Variants in MXI1 observed in about 807,000 individuals in gnomAD.
MXI1 encodes the protein max-interacting protein 1.
Under a neutral mutation model 36.9 loss-of-function variants are expected in MXI1, and 18 were observed. That is an observed-to-expected ratio of 0.49 (90% confidence interval 0.34 to 0.72). The LOEUF is 0.72. Ranked by LOEUF, MXI1 falls within the 30% of genes least tolerant of loss-of-function variation. MXI1 has a pLI of 0.01. For synonymous variants in MXI1, 160 were observed against 146.7 expected (o/e 1.09, Z -0.65); for missense variants, 304 against 379.1 (o/e 0.80, Z 1.64).
intron 3 of MXI1, among the ~76,000 whole-genome samples, chr10:110,251,687 C>G (rs1396970566): frequency 6.6e-6 from 1 of 152,058 alleles, no homozygotes; most frequent in Non-Finnish European, 1.5e-5. Context: ...TAGTCAAAAC[C>G]TACTACTCTG....
intron 3 of MXI1, among the ~76,000 whole-genome samples, chr10:110,252,195 T>C (rs1339969365): frequency 1.3e-5 from 2 of 151,990 alleles, no homozygotes; most frequent in East Asian, 1.9e-4. Flanking sequence ...TGTTAATTGG[T>C]ACTACTTATT....
intron 3 of MXI1, among the ~76,000 whole-genome samples, chr10:110,276,613 A>T (rs974645004): frequency 2.0e-5 from 3 of 150,468 alleles, no homozygotes; most frequent in East Asian, 2.0e-4. Context: ...TAAAGTTAAC[A>T]TTTTTTTTTT....
rs533786002 is a variant in MXI1, at chr10:110,208,114, G to T, written c.274+32G>T. ...TTGGGGGCCCCTGCTCTTCCTCGGC[G>T]CCCGGTTCTTTCTTTCTCGCCCACT... On this transcript the variant is annotated intron_variant, in intron 1 of 5. Transcript: ENST00000332674. The T allele has an allele frequency of 1.6e-5, 25 of 1,558,794 alleles. No individual in the cohort carries two copies. In the East Asian group the frequency reaches 4.1e-4, roughly 26 times the overall value.
At chr10:110,256,683 G>A (rs1856310591) in intron 3 of MXI1, among the ~76,000 whole-genome samples, 1 of 147,548 alleles carries the variant, frequency 6.8e-6, no homozygotes, top group Non-Finnish European at 1.5e-5. Context: ...TTAGGGAAAT[G>A]TGAATCAAAA....
chr10:110,254,994 T>A (rs1284385154), intron 3 of MXI1, among the ~76,000 whole-genome samples: 1 of 152,142 alleles, frequency 6.6e-6, no homozygotes, highest in African/African-American at 2.4e-5. Flanking sequence ...GACGAAACCA[T>A]CATCTATTGG....
intron 3 of MXI1, among the ~76,000 whole-genome samples, chr10:110,246,466 G>C (rs971158071): frequency 2.6e-5 from 4 of 152,074 alleles, no homozygotes; most frequent in Non-Finnish European, 4.4e-5. Context: ...CTGCCTCATT[G>C]CAAGTAAGTT....
chr10:110,284,611 G>C (rs1335777367), intron 5 of MXI1, among the ~76,000 whole-genome samples: 1 of 152,150 alleles, frequency 6.6e-6, no homozygotes, highest in Non-Finnish European at 1.5e-5. Context: ...TAGGAAATTT[G>C]CTGCCTAAAT....
chr10:110,235,843 A>C (rs942213064), intron 2 of MXI1, among the ~76,000 whole-genome samples: 2 of 151,902 alleles, frequency 1.3e-5, no homozygotes, highest in African/African-American at 4.8e-5. Flanking sequence ...GCCCGTCTCT[A>C]CTAAAACACA....
At chr10:110,211,238 A>G (rs1014966380) in intron 1 of MXI1, among the ~76,000 whole-genome samples, 1 of 152,032 alleles carries the variant, frequency 6.6e-6, no homozygotes, top group African/African-American at 2.4e-5. Flanking sequence ...TGGTTTCCAC[A>G]TGGAGACAAA....
intron 1 of MXI1, among the ~76,000 whole-genome samples, chr10:110,209,088 A>G (rs1297204708): frequency 8.4e-6 from 1 of 119,122 alleles, no homozygotes; most frequent in Non-Finnish European, 1.7e-5. Flanking sequence ...TTTTGTATTT[A>G]TTTGTTTCAT....
At chr10:110,260,059 GTTT>G (rs34287950) in intron 3 of MXI1, among the ~76,000 whole-genome samples, 23,144 of 151,964 alleles carry the variant, frequency 0.15, 2,858 homozygotes, top group East Asian at 0.61. Context: ...AGAAAGATAG[GTTT>G]TAATACTAAA....
At chr10:110,225,967 G>GC in intron 1 of MXI1, 1 of 964,300 alleles carries the variant, frequency 1.0e-6, no homozygotes, top group Non-Finnish European at 1.2e-6. Flanking sequence ...CGCTGCTCCC[G>GC]CCCCTCCCCC....
At chr10:110,211,411 C>T (rs1276705044) in intron 1 of MXI1, among the ~76,000 whole-genome samples, 1 of 152,068 alleles carries the variant, frequency 6.6e-6, no homozygotes, top group Non-Finnish European at 1.5e-5. Context: ...CCAGCTGGTC[C>T]AGTCTCTTCT....
chr10:110,229,072 A>T (rs1285434859), intron 2 of MXI1, among the ~76,000 whole-genome samples: 1 of 152,156 alleles, frequency 6.6e-6, no homozygotes, highest in Non-Finnish European at 1.5e-5. Context: ...AAAAAAATAG[A>T]TGTACTAAGA....
At chr10:110,253,865 T>C (rs1856188496) in intron 3 of MXI1, among the ~76,000 whole-genome samples, 1 of 152,096 alleles carries the variant, frequency 6.6e-6, no homozygotes, top group Non-Finnish European at 1.5e-5. Flanking sequence ...ATAAACAGCA[T>C]TAATGACAAA....
chr10:110,252,656 T>C (rs1856139280), intron 3 of MXI1, among the ~76,000 whole-genome samples: 1 of 152,140 alleles, frequency 6.6e-6, no homozygotes, highest in South Asian at 2.1e-4. Context: ...CACTAAAATA[T>C]AAGTTTCAGG....
intron 2 of MXI1, among the ~76,000 whole-genome samples, chr10:110,233,320 T>C (rs1314869490): frequency 6.6e-6 from 1 of 152,172 alleles, no homozygotes; most frequent in Non-Finnish European, 1.5e-5. Flanking sequence ...TGCATCCTTT[T>C]CAGCTATCTT....
intron 1 of MXI1, among the ~76,000 whole-genome samples, chr10:110,211,282 G>C (rs990647270): frequency 6.6e-6 from 1 of 152,208 alleles, no homozygotes. Flanking sequence ...ACCTAGCTGC[G>C]TCGTTCAGCC....
At chr10:110,273,767 T>C (rs1370187295) in intron 3 of MXI1, among the ~76,000 whole-genome samples, 1 of 152,214 alleles carries the variant, frequency 6.6e-6, no homozygotes, top group Admixed American at 6.5e-5. Flanking sequence ...CATTTTGATT[T>C]AGTTATCTGG....
Sources: allele counts gnomAD v4.1 joint callset (sites outside exome capture counted in the v4.1 genomes callset), GRCh38; gene constraint gnomAD v4.1.1; transcripts MANE v1.5; gene names NCBI Gene and HGNC (gene_info 2026-07-23, HGNC 2026-07-21).